Variants in CELSR2 observed in about 807,000 individuals in gnomAD.
CELSR2 encodes cadherin EGF LAG seven-pass G-type receptor 2.
CELSR2 carries 81 observed loss-of-function variants against 251.6 expected under a neutral mutation model. The observed-to-expected ratio is 0.32, with a 90% CI of 0.27 to 0.39. The LOEUF (loss-of-function observed/expected upper bound fraction) is 0.39. Among genes scored for constraint, CELSR2 ranks in the 10% least tolerant of loss-of-function variants. CELSR2 has a pLI of 1.00. For synonymous variants in CELSR2, 1,721 were observed against 1,670.5 expected (o/e 1.03, Z -0.74); for missense variants, 3,365 against 3,947.7 (o/e 0.85, Z 3.96).
At position 109,271,698 on chromosome 1, in the gene CELSR2, GACC is replaced by G; in HGVS notation, c.7907_7909del (p.Thr2636del). 1 of 1,613,976 alleles carries G rather than the reference GACC, an allele frequency of 6.2e-7. No individual in the cohort carries two copies. The highest frequency in any genetic ancestry group is 8.5e-7 in the Non-Finnish European group (1 of 1,180,028). ...GCAAGCCCAGCCCTGACCCTGCTCT[GACC>G]ACCAAGTCCACCCTGACCTCGGTGA... is the stretch of plus-strand genomic sequence containing the variant. On this transcript the variant is annotated inframe_deletion, in exon 28 of 34. Transcript: ENST00000271332.
rs1368039267 is a variant in CELSR2 at position 109,261,540 on chromosome 1, G to A, written c.4209G>A (p.Leu1403=). 6.2e-7 allele frequency: 1 copy of A among 1,614,196 alleles called. No homozygotes were observed. The highest frequency in any genetic ancestry group is 8.5e-7 in the Non-Finnish European group (1 of 1,180,020). The change falls in exon 4 of 34, where the codon TTG becomes TTA. Residue 1403 remains leucine, a synonymous_variant. Coordinates refer to ENST00000271332, the MANE Select transcript of CELSR2 (RefSeq NM_001408.3). The surrounding 1 kb of genome is among the most constrained non-coding windows in gnomAD (Gnocchi z 4.8). ...LSFATKERDG[L]LLYNGRFNEK... is the part of the protein sequence containing the mutation. Reference sequence around the variant, plus strand: ...TTGCCACAAAGGAGCGCGACGGGTTGCTGTTGTACAATGGGCGTTTCAATG... The same window carrying A: ...TTGCCACAAAGGAGCGCGACGGGTTACTGTTGTACAATGGGCGTTTCAATG...
Position 109,261,702 on chromosome 1 carries a change from C to T in CELSR2, c.4297+74C>T. On this transcript the variant is annotated intron_variant, in intron 4 of 33. Transcript: ENST00000271332. The surrounding 1 kb of genome is among the most constrained non-coding windows in gnomAD (Gnocchi z 4.8). ...TCTTCCAGCCCCTGACCCCAAGCCA[C>T]ATACTCTATCAGCCAAATCTGGGCC... 2 of 1,550,122 alleles carry T rather than the reference C, an allele frequency of 1.3e-6. No individual in the cohort carries two copies. The highest frequency in any genetic ancestry group is 1.8e-6 in the Non-Finnish European group (2 of 1,125,756).
At chr1:109,270,295 C>T in intron 23 of CELSR2, 131 bp from the exon 24 acceptor site, 1 of 1,285,486 alleles carries the variant, frequency 7.8e-7, no homozygotes, top group Non-Finnish European at 1.1e-6. Context: ...GATCCCCCAG[C>T]ACCTGCCTCT....
intron 31 of CELSR2, 50 bp downstream of exon 31, chr1:109,273,077 G>A (rs991362884): frequency 2.5e-6 from 4 of 1,594,436 alleles, no homozygotes; most frequent in Non-Finnish European, 3.4e-6. Flanking sequence ...GAGGACAGTG[G>A]GCCTGGGGTT....
At position 109,271,247 on chromosome 1, in the gene CELSR2, C is replaced by CG; in HGVS notation, c.7630dup (p.Ala2544GlyfsTer11). 1 of 1,613,994 alleles carries CG rather than the reference C, an allele frequency of 6.2e-7. No homozygotes were observed. Among genetic ancestry groups the CG allele is most frequent in the Non-Finnish European group, 8.5e-7 (1 of 1,180,000 alleles). On this transcript the variant is annotated frameshift_variant, in exon 26 of 34. Coordinates refer to ENST00000271332, the MANE Select transcript of CELSR2 (RefSeq NM_001408.3). LOFTEE classifies it high-confidence loss of function. ...TGTCTTCCTGTACATCCTGGCGGCC[C>CG]GGGCCTCCTGTGCTGCCCAGCGGCA...
rs115995897 is a variant in CELSR2, at chr1:109,269,141, C to T, written c.6663C>T (p.Pro2221=). The change falls in exon 20 of 34, where the codon CCC becomes CCT. Residue 2221 remains proline, a synonymous_variant. Coordinates refer to ENST00000271332, the MANE Select transcript of CELSR2 (RefSeq NM_001408.3). This position sits in a 1 kb window ranked among gnomAD's most constrained non-coding sequence, Gnocchi z 6.4. ...CCCCCGTGGTCAGGCCCGCAGGCCC[C>T]GGAGAGGCCCAGGAGCCAGAGGAGC... ...ETPPVVRPAG[P]GEAQEPEELA... is the part of the protein sequence containing the mutation. The T allele has an allele frequency of 7.7e-4, 1,236 of 1,609,106 alleles. 12 individuals carry two copies. In the African/African-American group the frequency reaches 0.014, roughly 18 times the overall value.
chr1:109,265,620 T>C, intron 13 of CELSR2, 115 bp from the exon 14 acceptor site: 1 of 1,268,068 alleles, frequency 7.9e-7, no homozygotes, highest in Non-Finnish European at 1.1e-6. Flanking sequence ...TGAATACTGC[T>C]CCTGAGGGGA....
At chr1:109,273,978 C>A in intron 33 of CELSR2, 44 bp from the exon 34 acceptor site, 1 of 1,610,238 alleles carries the variant, frequency 6.2e-7, no homozygotes, top group Non-Finnish European at 8.5e-7. Context: ...TTCAACTAAC[C>A]CTCTGTCTGC....
Position 109,250,792 on chromosome 1 carries a change from C to G in CELSR2, c.713C>G (p.Thr238Ser). ...SNQFFSLDPV[T>S]GAVTTAEELD... ...CAGTTCTTCTCCCTGGACCCAGTCACTGGTGCAGTAACCACAGCCGAGGAG... is the reference window on the plus strand; with the variant it reads ...CAGTTCTTCTCCCTGGACCCAGTCAGTGGTGCAGTAACCACAGCCGAGGAG... The change falls in exon 1 of 34, where the codon ACT becomes AGT. Residue 238 changes from threonine to serine, a missense_variant. Thr to Ser is a moderately conservative substitution (Grantham distance 58, BLOSUM62 1). Around this residue, in one of 5 missense-constraint regions of CELSR2, gnomAD observed 704 missense variants for 784.1 expected, o/e 0.90. Transcript: ENST00000271332. This position sits in a 1 kb window ranked among gnomAD's most constrained non-coding sequence, Gnocchi z 4.4. 6.2e-7 allele frequency: 1 copy of G among 1,614,106 alleles called. No individual in the cohort carries two copies.
intron 1 of CELSR2, among the ~76,000 whole-genome samples, chr1:109,255,349 A>G (rs1441052980): frequency 6.6e-6 from 1 of 151,776 alleles, no homozygotes; most frequent in Non-Finnish European, 1.5e-5. Flanking sequence ...CCACTTGCCC[A>G]TTGCTGGCTC....
intron 29 of CELSR2, 58 bp downstream of exon 29, chr1:109,272,463 C>T: frequency 6.4e-7 from 1 of 1,564,168 alleles, no homozygotes; most frequent in South Asian, 1.2e-5. Context: ...CATGCTGGAC[C>T]CAGGCCAGCC....
rs773613591 is a variant in CELSR2, at chr1:109,261,085, G to A, written c.4002G>A (p.Pro1334=). 2.9e-5 allele frequency: 46 copies of A among 1,613,912 alleles called. No individual in the cohort carries two copies. The highest frequency in any genetic ancestry group is 3.3e-5 in the Admixed American group (2 of 59,982). ...GTGCTCGCTCAGGCCGTTGCACCCC[G>A]GGTGTCTGCAAGAATGGGGGCACCT... ...EVSARSGRCT[P]GVCKNGGTCV... Residue 1334 remains proline, a synonymous_variant, in exon 3 of 34, where the codon CCG becomes CCA. Coordinates refer to ENST00000271332, the MANE Select transcript of CELSR2 (RefSeq NM_001408.3). The surrounding 1 kb of genome is among the most constrained non-coding windows in gnomAD (Gnocchi z 4.8).
rs1426404564 is a variant in CELSR2, at chr1:109,265,846, C to A, written c.5839C>A (p.Pro1947Thr). The change falls in exon 14 of 34, where the codon CCA (proline) becomes ACA (threonine). Residue 1947 changes from proline to threonine, a missense_variant. Coordinates refer to ENST00000271332, the MANE Select transcript of CELSR2 (RefSeq NM_001408.3). ...DPEDGQCPCKPGVIGRQCDRC... is the reference protein window; with the variant it reads ...DPEDGQCPCKTGVIGRQCDRC... ...TGAGGATGGCCAGTGTCCATGCAAG[C>A]CAGGTGTCATCGGGCGTCAGTGTGA... The A allele has an allele frequency of 6.2e-7, 1 of 1,614,006 alleles. No homozygotes were observed. The highest frequency in any genetic ancestry group is 1.3e-5 in the African/African-American group (1 of 74,928).
Position 109,258,502 on chromosome 1 carries a change from C to T in CELSR2, c.3381C>T (p.His1127=), listed in dbSNP as rs750217830. The T allele has an allele frequency of 1.2e-5, 19 of 1,601,922 alleles. No homozygotes were observed. Among genetic ancestry groups the T allele is most frequent in the Non-Finnish European group, 1.6e-5 (19 of 1,174,252 alleles). The change falls in exon 2 of 34, where the codon CAC becomes CAT. Residue 1127 remains histidine (H), a synonymous_variant. Transcript: ENST00000271332. The part of the protein sequence containing the change: ...VTIITDEMLT[H]SITLRLEDMS... ...TCATCACCGATGAGATGCTCACCCA[C>T]AGCATCACGCTGCGCCTGGAGGACA... is the stretch of plus-strand genomic sequence containing the variant.
Position 109,265,823 on chromosome 1 carries a change from A to C in CELSR2, c.5816A>C (p.Glu1939Ala). ...TGSLSRVCDP[E>A]DGQCPCKPGV... ...TCCTTGTCCAGAGTCTGTGACCCTG[A>C]GGATGGCCAGTGTCCATGCAAGCCA... is the stretch of plus-strand genomic sequence containing the variant. Residue 1939 changes from glutamate to alanine, a missense_variant, in exon 14 of 34, where the codon GAG (glutamate) becomes GCG (alanine). By Grantham distance (107) the Glu-to-Ala change is moderately radical. Coordinates refer to ENST00000271332, the MANE Select transcript of CELSR2 (RefSeq NM_001408.3). 1 of 1,614,096 alleles carries C rather than the reference A, an allele frequency of 6.2e-7. No individual in the cohort carries two copies. Among genetic ancestry groups the C allele is most frequent in the Non-Finnish European group, 8.5e-7 (1 of 1,180,026 alleles).
chr1:109,264,075 C>A lies in CELSR2; in HGVS notation c.5002-3C>A. The A allele has an allele frequency of 1.3e-6, 2 of 1,567,530 alleles. No homozygotes were observed. Among genetic ancestry groups the A allele is most frequent in the South Asian group, 2.3e-5 (2 of 85,388 alleles). On this transcript the variant is annotated splice_polypyrimidine_tract_variant and splice_region_variant and intron_variant, in intron 9 of 33. Coordinates refer to ENST00000271332, the MANE Select transcript of CELSR2 (RefSeq NM_001408.3). ...ACCCTGTTTTCTTTCCTCCTGGTGT[C>A]AGCTACGAGAGGGCCACGTGATGCT...
At position 109,263,196 on chromosome 1, in the gene CELSR2, C is replaced by T; in HGVS notation, c.4763C>T (p.Thr1588Ile). The T allele has an allele frequency of 6.2e-7, 1 of 1,600,120 alleles. No individual in the cohort carries two copies. The highest frequency in any genetic ancestry group is 8.6e-7 in the Non-Finnish European group (1 of 1,168,686). ...CDSNTCHNGG[T>I]CVNQWDAFSC... ...AGCAACACTTGCCACAATGGGGGCA[C>T]TTGCGTGAACCAGTGGGACGCGTTC... The change falls in exon 8 of 34, where the codon ACT becomes ATT. Residue 1588 changes from threonine (T) to isoleucine (I), a missense_variant. Physicochemically the swap from Thr to Ile is moderately conservative, Grantham distance 89 (BLOSUM62 -1). Around this residue, in one of 5 missense-constraint regions of CELSR2, gnomAD observed 2,093 missense variants for 2,382.8 expected, o/e 0.88. Transcript: ENST00000271332.
At position 109,252,414 on chromosome 1, in the gene CELSR2, G is replaced by A. The variant is rs771837056; in HGVS notation, c.2335G>A (p.Val779Met). ...TQAELDYEDQ[V>M]SYTLAITARD... ...GGCTGAGCTGGACTATGAAGACCAAGTGTCTTACACCCTGGCCATTACTGC... is the reference window on the plus strand; with the variant it reads ...GGCTGAGCTGGACTATGAAGACCAAATGTCTTACACCCTGGCCATTACTGC... The change falls in exon 1 of 34, where the codon GTG becomes ATG. Residue 779 changes from valine to methionine, a missense_variant. Val to Met is a conservative substitution (Grantham distance 21, BLOSUM62 1). This residue lies in a region of CELSR2 where 505 missense variants were observed against 660.0 expected (regional missense o/e 0.77). Coordinates refer to ENST00000271332, the MANE Select transcript of CELSR2 (RefSeq NM_001408.3). The surrounding 1 kb of genome is among the most constrained non-coding windows in gnomAD (Gnocchi z 4.8). 3.1e-6 allele frequency: 5 copies of A among 1,613,392 alleles called. No individual in the cohort carries two copies. The highest frequency in any genetic ancestry group is 1.1e-5 in the South Asian group (1 of 91,082).
chr1:109,271,090 C>T (rs767785930), intron 25 of CELSR2, 51 bp downstream of exon 25: 43 of 1,549,356 alleles, frequency 2.8e-5, no homozygotes, highest in Non-Finnish European at 3.6e-5. Context: ...CCTTTGCTGT[C>T]CTCCTGCTGC....
Sources: allele counts gnomAD v4.1 joint callset (sites outside exome capture counted in the v4.1 genomes callset), GRCh38; gene constraint gnomAD v4.1.1; regional missense constraint gnomAD v4.1.1; non-coding constraint Gnocchi (gnomAD v3.1); transcripts MANE v1.5; gene names NCBI Gene and HGNC (gene_info 2026-07-23, HGNC 2026-07-21).